GALNT15: variants seen among roughly 807,000 people sequenced by gnomAD.
The protein encoded by GALNT15 is polypeptide N-acetylgalactosaminyltransferase 15.
GALNT15 carries 67 observed loss-of-function variants against 66.8 expected under a neutral mutation model. That is an observed-to-expected ratio of 1.00 (90% CI 0.82 to 1.23). The LOEUF (loss-of-function observed/expected upper bound fraction) is 1.23. Ranked by LOEUF, GALNT15 falls within the 50% of genes most tolerant of loss-of-function variation. The pLI is 0.00. For missense variants in GALNT15, 827 were observed against 804.3 expected, an observed-to-expected ratio of 1.03 and a Z score of -0.34; for synonymous variants, 313 against 311.5, an observed-to-expected ratio of 1.00 and a Z score of -0.05.
In GALNT15 at chr3:16,227,691, C is replaced by T; in HGVS notation, c.*191C>T. The T allele has an allele frequency of 7.6e-7, 1 of 1,311,910 alleles. No homozygotes were observed. Among genetic ancestry groups the T allele is most frequent in the Admixed American group, 4.1e-5 (1 of 24,376 alleles). The allele number at this position is 1,311,910 out of a possible 1,614,324, so 81.3% of individuals were successfully genotyped here. A position where few individuals can be genotyped will look rare whatever the true frequency, so the allele number is the denominator to read the frequency against. ...ACCTTATTTCATTGACTGCTGGCTG[C>T]TTTAAAAAAAAAAAAAAAGGATCCA... On this transcript the variant is annotated 3_prime_UTR_variant, in exon 10 of 10. Transcript: ENST00000339732. The surrounding 1 kb of genome is among the most constrained non-coding windows in gnomAD (Gnocchi z 4.5).
At chr3:16,232,655 G>A (rs2064096262), downstream of GALNT15, among the ~76,000 whole-genome samples, 1 of 150,668 alleles carries the variant, frequency 6.6e-6, no homozygotes, top group South Asian at 2.1e-4. Context: ...AAAGAGCAGA[G>A]GCAAAGGTGG....
chr3:16,184,110 C>CA lies in GALNT15; in HGVS notation c.539+8423dup. 6.6e-6 allele frequency among the ~76,000 whole-genome samples: 1 copy of CA among 152,260 alleles called. No homozygotes were observed. Among genetic ancestry groups the CA allele is most frequent in the East Asian group, 1.9e-4 (1 of 5,190 alleles). ...GATTAAGCCCAGGTTGATTTGAGTC[C>CA]AAAGCCCTTGGTTGTTCCTGTCCCG... On this transcript the variant is annotated intron_variant, in intron 1 of 9. Coordinates refer to ENST00000339732, the MANE Select transcript of GALNT15 (RefSeq NM_054110.5). This position sits in a 1 kb window ranked among gnomAD's most constrained non-coding sequence, Gnocchi z 5.0.
At chr3:16,190,409 T>C (rs1027362474) in intron 1 of GALNT15, among the ~76,000 whole-genome samples, 5 of 152,086 alleles carry the variant, frequency 3.3e-5, no homozygotes, top group African/African-American at 1.2e-4. Context: ...GAGGCCGAGA[T>C]GGGAGGATCA....
At chr3:16,185,756 T>C (rs200955173) in intron 1 of GALNT15, among the ~76,000 whole-genome samples, 5 of 66,248 alleles carry the variant, frequency 7.5e-5, no homozygotes, top group Non-Finnish European at 9.9e-5. Context: ...GACAGATAGA[T>C]AGATAGATAG....
downstream of GALNT15, among the ~76,000 whole-genome samples, chr3:16,231,257 G>A (rs2064078481): frequency 6.6e-6 from 1 of 152,108 alleles, no homozygotes; most frequent in African/African-American, 2.4e-5. The surrounding 1 kb of genome is among the most constrained non-coding windows in gnomAD (Gnocchi z 4.1). Flanking sequence ...AAAGGACCAT[G>A]GCACATGTAT....
In GALNT15 at chr3:16,228,716, C is replaced by T; in HGVS notation, c.*1216C>T. The stretch of plus-strand genomic sequence containing the variant: ...GCACTGACTGGAGCAGAAACAGCAA[C>T]CTTTCTAAAAAAGCAAACCTTTTTC... On this transcript the variant is annotated 3_prime_UTR_variant, in exon 10 of 10. Coordinates refer to ENST00000339732, the MANE Select transcript of GALNT15 (RefSeq NM_054110.5). 1.0e-6 allele frequency: 1 copy of T among 985,170 alleles called. No homozygotes were observed. The highest frequency in any genetic ancestry group is 4.7e-5 in the South Asian group (1 of 21,266). The allele number at this position is 985,170 out of a possible 1,614,324, so 61.0% of individuals were successfully genotyped here. A position where few individuals can be genotyped will look rare whatever the true frequency, so the allele number is the denominator to read the frequency against.
At chr3:16,237,831 C>T in the GALNT15 span, among the ~76,000 whole-genome samples, 3 of 152,206 alleles carry the variant, frequency 2.0e-5, no homozygotes, top group African/African-American at 4.8e-5. This position sits in a 1 kb window ranked among gnomAD's most constrained non-coding sequence, Gnocchi z 4.2. Flanking sequence ...TTGAGGTTCC[C>T]GCTCCCTGAC....
chr3:16,226,820 TGAAAAG>T (rs1233192418), intron 9 of GALNT15, among the ~76,000 whole-genome samples: 1 of 152,206 alleles, frequency 6.6e-6, no homozygotes, highest in East Asian at 1.9e-4. Flanking sequence ...AAATTTTTCT[TGAAAAG>T]GAGAAGATTG....
At chr3:16,215,074 G>A (rs1411624074) in intron 6 of GALNT15, among the ~76,000 whole-genome samples, 2 of 152,280 alleles carry the variant, frequency 1.3e-5, no homozygotes, top group Non-Finnish European at 2.9e-5. Context: ...AGTTTTTGAT[G>A]CGCCAGACTA....
chr3:16,233,929 G>A (rs545389549), downstream of GALNT15, among the ~76,000 whole-genome samples: 1 of 152,272 alleles, frequency 6.6e-6, no homozygotes, highest in South Asian at 2.1e-4. Context: ...TGGGAATATG[G>A]CCCTCATCTT....
chr3:16,231,754 C>T (rs1276775478), downstream of GALNT15: 2 of 1,446,158 alleles, frequency 1.4e-6, no homozygotes, highest in African/African-American at 1.4e-5. This position sits in a 1 kb window ranked among gnomAD's most constrained non-coding sequence, Gnocchi z 4.1. Flanking sequence ...TGATACAGTC[C>T]TTCCTCTCTC....
At chr3:16,246,657 A>G in the GALNT15 span, among the ~76,000 whole-genome samples, 1 of 152,194 alleles carries the variant, frequency 6.6e-6, no homozygotes, top group Non-Finnish European at 1.5e-5. Flanking sequence ...TGAGGGAAAC[A>G]TGTTATCTTG....
chr3:16,201,835 A>G (rs2063706908), intron 3 of GALNT15, among the ~76,000 whole-genome samples: 2 of 152,150 alleles, frequency 1.3e-5, no homozygotes, highest in Non-Finnish European at 2.9e-5. Context: ...ATTACCCTCA[A>G]TCTGAATATC....
At chr3:16,178,863 G>A (rs1220009240) in intron 1 of GALNT15, among the ~76,000 whole-genome samples, 3 of 152,128 alleles carry the variant, frequency 2.0e-5, no homozygotes, top group South Asian at 4.1e-4. Context: ...AGCGCACCCC[G>A]TGCTATCGCC....
Position 16,189,962 on chromosome 3 carries a change from G to A in GALNT15, c.540-5798G>A, listed in dbSNP as rs1223242938. ...ATGGTACTTGCCCAGGTCACATAAGGACAGACTGGGATTTGAACCCAATGC... is the reference window on the plus strand; with the variant it reads ...ATGGTACTTGCCCAGGTCACATAAGAACAGACTGGGATTTGAACCCAATGC... On this transcript the variant is annotated intron_variant, in intron 1 of 9. Transcript: ENST00000339732. This position sits in a 1 kb window ranked among gnomAD's most constrained non-coding sequence, Gnocchi z 5.1. 6.6e-6 allele frequency among the ~76,000 whole-genome samples: 1 copy of A among 152,188 alleles called. No individual in the cohort carries two copies. Among genetic ancestry groups the A allele is most frequent in the Non-Finnish European group, 1.5e-5 (1 of 68,036 alleles).
rs1316893864 is a variant in GALNT15, at chr3:16,184,617, T to C, written c.539+8927T>C. On this transcript the variant is annotated intron_variant, in intron 1 of 9. Coordinates refer to ENST00000339732, the MANE Select transcript of GALNT15 (RefSeq NM_054110.5). This position sits in a 1 kb window ranked among gnomAD's most constrained non-coding sequence, Gnocchi z 5.0. ...TGATTTGGTTATGTTTAATAGGACA[T>C]AAACTCCATGCTATTAGGGGCTATC... Among the ~76,000 whole-genome samples, 3 of 152,082 alleles carry C rather than the reference T, an allele frequency of 2.0e-5. No homozygotes were observed. Among genetic ancestry groups the C allele is most frequent in the Non-Finnish European group, 4.4e-5 (3 of 67,918 alleles).
Position 16,227,561 on chromosome 3 carries a change from A to G in GALNT15, c.*61A>G. 1 of 1,613,358 alleles carries G rather than the reference A, an allele frequency of 6.2e-7. No homozygotes were observed. Among genetic ancestry groups the G allele is most frequent in the Non-Finnish European group, 8.5e-7 (1 of 1,179,736 alleles). On this transcript the variant is annotated 3_prime_UTR_variant, in exon 10 of 10. Coordinates refer to ENST00000339732, the MANE Select transcript of GALNT15 (RefSeq NM_054110.5). The surrounding 1 kb of genome is among the most constrained non-coding windows in gnomAD (Gnocchi z 4.5). ...TCAAAATCCAGCTCCAAGTGAACTT[A>G]AAGAGCTTATATATTTCATGAAGCT...
rs1218831863 is a variant in GALNT15, at chr3:16,186,593, A to T, written c.540-9167A>T. Among the ~76,000 whole-genome samples the T allele has an allele frequency of 3.3e-5, 5 of 152,260 alleles. No homozygotes were observed. Among genetic ancestry groups the T allele is most frequent in the Non-Finnish European group, 7.3e-5 (5 of 68,042 alleles). On this transcript the variant is annotated intron_variant, in intron 1 of 9. Transcript: ENST00000339732. This position sits in a 1 kb window ranked among gnomAD's most constrained non-coding sequence, Gnocchi z 5.1. ...AAATGTGGTATATTCAAACAATGAA[A>T]TATTAGGCAGTAAAAAGAAATGAAG...
rs754917732 is a variant in GALNT15 at position 16,182,676 on chromosome 3, C to G, written c.539+6986C>G. 5 of 152,236 alleles carry G rather than the reference C, an allele frequency of 3.3e-5. No homozygotes were observed. Among genetic ancestry groups the G allele is most frequent in the Non-Finnish European group, 7.3e-5 (5 of 68,060 alleles). The allele number at this position is 152,236 out of a possible 1,614,324, so 9.4% of individuals were successfully genotyped here. On this transcript the variant is annotated intron_variant, in intron 1 of 9. Transcript: ENST00000339732. The surrounding 1 kb of genome is among the most constrained non-coding windows in gnomAD (Gnocchi z 6.1). ...CAGCTCACCTCCTATTGTCTTGTCA[C>G]TAACAACCACTGCCCTCTACTCTAA...
Sources: allele counts gnomAD v4.1 joint callset (sites outside exome capture counted in the v4.1 genomes callset), GRCh38; gene constraint gnomAD v4.1.1; non-coding constraint Gnocchi (gnomAD v3.1); transcripts MANE v1.5; gene names NCBI Gene and HGNC (gene_info 2026-07-23, HGNC 2026-07-21).